The following ADAMTSL1 variants were observed in gnomAD, a reference collection of about 807,000 sequenced individuals.
ADAMTSL1 encodes the protein ADAMTS like 1, also known as ADAMTS-like protein 1.
Under a neutral mutation model 201.8 loss-of-function variants are expected in ADAMTSL1, and 126 were observed. The observed-to-expected ratio is 0.62, with a 90% CI of 0.54 to 0.72. ADAMTSL1 has a LOEUF of 0.72. Ranked by LOEUF, ADAMTSL1 falls within the 30% of genes least tolerant of loss-of-function variation. ADAMTSL1 has a pLI of 0.00. For synonymous variants in ADAMTSL1, 1,121 were observed against 903.4 expected (o/e 1.24, Z -4.32); for missense variants, 2,679 against 2,277.8 (o/e 1.18, Z -3.59).
At chr9:18,277,595 C>A (rs1832632722) in intron 2 of ADAMTSL1, among the ~76,000 whole-genome samples, 3 of 152,134 alleles carry the variant, frequency 2.0e-5, no homozygotes, top group Non-Finnish European at 4.4e-5. Context: ...TTAGCCACCT[C>A]TGCTCTCTTT....
chr9:18,165,892 G>A (rs955204578), intron 2 of ADAMTSL1, among the ~76,000 whole-genome samples: 2 of 151,930 alleles, frequency 1.3e-5, no homozygotes, highest in African/African-American at 4.8e-5. Flanking sequence ...AAGGGGAAGA[G>A]TTCAAACATG....
chr9:18,390,924 T>A (rs1838019832), intron 2 of ADAMTSL1, among the ~76,000 whole-genome samples: 1 of 152,160 alleles, frequency 6.6e-6, no homozygotes, highest in Non-Finnish European at 1.5e-5. Context: ...TGGATAATAA[T>A]GTATGCTGAG....
At chr9:18,474,861 G>T (rs893120232) in intron 1 of ADAMTSL1, among the ~76,000 whole-genome samples, 11 of 152,152 alleles carry the variant, frequency 7.2e-5, no homozygotes, top group Admixed American at 6.6e-4. Context: ...ATGAATTGAG[G>T]ATTATGGCCT....
intron 1 of ADAMTSL1, among the ~76,000 whole-genome samples, chr9:18,114,457 C>T (rs1444976404): frequency 6.6e-6 from 1 of 151,936 alleles, no homozygotes; most frequent in Non-Finnish European, 1.5e-5. Flanking sequence ...TCAGAACGGA[C>T]AAGGCTTAGG....
At chr9:18,371,631 GT>G (rs1837046959) in intron 2 of ADAMTSL1, among the ~76,000 whole-genome samples, 1 of 152,156 alleles carries the variant, frequency 6.6e-6, no homozygotes, top group African/African-American at 2.4e-5. Context: ...ATCGAATAGG[GT>G]TTTAGAAGCA....
rs114498521 is a variant in ADAMTSL1, at chr9:18,398,590, T to C, written c.208-106239T>C. Among the ~76,000 whole-genome samples the C allele has an allele frequency of 3.4e-3, 514 of 152,310 alleles. 3 individuals are homozygous for C. Among genetic ancestry groups the C allele is most frequent in the African/African-American group, 0.012 (491 of 41,570 alleles). ...CACAGTCAACTTTTTACAATTATTT[T>C]CCCTTGAAACCATGTCTTTCACAAA... is the stretch of plus-strand genomic sequence containing the variant. On this transcript the variant is annotated intron_variant, in intron 2 of 29. Transcript: ENST00000680146.
intron 2 of ADAMTSL1, among the ~76,000 whole-genome samples, chr9:18,181,881 C>G (rs182863564): frequency 6.6e-6 from 1 of 152,044 alleles, no homozygotes; most frequent in South Asian, 2.1e-4. Flanking sequence ...AGACTTGGAG[C>G]CAACCCAAAT....
intron 1 of ADAMTSL1, among the ~76,000 whole-genome samples, chr9:18,105,466 A>G (rs1285169518): frequency 6.6e-6 from 1 of 152,180 alleles, no homozygotes; most frequent in Non-Finnish European, 1.5e-5. Flanking sequence ...CAAAATTGAA[A>G]TCACCTTATT....
chr9:18,558,706 A>G (rs1295769054), intron 3 of ADAMTSL1, among the ~76,000 whole-genome samples: 1 of 152,138 alleles, frequency 6.6e-6, no homozygotes, highest in Non-Finnish European at 1.5e-5. Context: ...CACCATTCTA[A>G]CTGGCATGAT....
At chr9:18,444,648 T>C (rs1820120575) in intron 2 of ADAMTSL1, among the ~76,000 whole-genome samples, 1 of 152,168 alleles carries the variant, frequency 6.6e-6, no homozygotes, top group Admixed American at 6.5e-5. Context: ...AGAACAGGTT[T>C]ATGTCTTTTG....
chr9:18,700,187 C>A (rs781022968), intron 13 of ADAMTSL1, among the ~76,000 whole-genome samples: 1 of 151,980 alleles, frequency 6.6e-6, no homozygotes, highest in African/African-American at 2.4e-5. Flanking sequence ...TTTAAGAATG[C>A]CTTAATATTA....
intron 1 of ADAMTSL1, among the ~76,000 whole-genome samples, chr9:17,961,366 C>T (rs13293273): frequency 0.18 from 27,244 of 151,984 alleles, 2,646 homozygotes; most frequent in South Asian, 0.22. Flanking sequence ...CTCCTGCCTC[C>T]GCCTCCTGAG....
At chr9:18,660,427 C>A (rs1829006367) in intron 8 of ADAMTSL1, among the ~76,000 whole-genome samples, 1 of 152,136 alleles carries the variant, frequency 6.6e-6, no homozygotes, top group Non-Finnish European at 1.5e-5. Context: ...TTGGTCATTT[C>A]CTTCATTTTT....
chr9:17,919,155 A>G (rs2131287848), intron 1 of ADAMTSL1, among the ~76,000 whole-genome samples: 1 of 151,658 alleles, frequency 6.6e-6, no homozygotes. Flanking sequence ...TCCTTTTGTT[A>G]TCTTTTATCA....
chr9:18,232,352 G>A (rs1435908578), intron 2 of ADAMTSL1, among the ~76,000 whole-genome samples: 1 of 152,130 alleles, frequency 6.6e-6, no homozygotes, highest in African/African-American at 2.4e-5. Flanking sequence ...TCATTCTTTT[G>A]GTAAGGTACT....
intron 13 of ADAMTSL1, among the ~76,000 whole-genome samples, chr9:18,694,459 A>G (rs988041834): frequency 1.3e-5 from 2 of 152,188 alleles, no homozygotes; most frequent in Non-Finnish European, 2.9e-5. Flanking sequence ...CCAGGATACA[A>G]TGGAGGTACA....
intron 1 of ADAMTSL1, among the ~76,000 whole-genome samples, chr9:18,065,179 A>G (rs1453958575): frequency 1.3e-5 from 2 of 152,092 alleles, no homozygotes; most frequent in African/African-American, 4.8e-5. Flanking sequence ...ACCTGGCTCT[A>G]TATACCACAC....
At chr9:18,352,175 A>G (rs1835996438) in intron 2 of ADAMTSL1, among the ~76,000 whole-genome samples, 1 of 152,338 alleles carries the variant, frequency 6.6e-6, no homozygotes, top group East Asian at 1.9e-4. Context: ...GCATCTTCAA[A>G]TGGAAAACAA....
At chr9:18,304,448 A>ATAGCAAAACCTGGTTTTGCTATT (rs1005061643) in intron 2 of ADAMTSL1, among the ~76,000 whole-genome samples, 1 of 152,180 alleles carries the variant, frequency 6.6e-6, no homozygotes, top group Non-Finnish European at 1.5e-5. Context: ...TGATATTAAA[A>ATAGCAAAACCTGGTTTTGCTATT]TAGCAAAACC....
Sources: gnomAD v4.1 joint callset for allele counts (sites outside exome capture counted in the v4.1 genomes callset) on GRCh38, gnomAD v4.1.1 for gene constraint, MANE v1.5 for transcripts, NCBI Gene and HGNC (gene_info 2026-07-23, HGNC 2026-07-21) for gene names.